CDC42BPA: variants seen among roughly 807,000 people sequenced by gnomAD.
CDC42BPA encodes CDC42 binding protein kinase alpha.
A neutral mutation model predicts 223.5 loss-of-function variants in CDC42BPA; 80 were observed. That is an observed-to-expected ratio of 0.36 (90% CI 0.30 to 0.43). The LOEUF is 0.43. Among genes scored for constraint, CDC42BPA ranks in the 20% least tolerant of loss-of-function variants. The pLI is 1.00. For missense variants in CDC42BPA, 1,743 were observed against 2,099.9 expected (o/e 0.83, Z 3.32); for synonymous variants, 694 against 718.6 (o/e 0.97, Z 0.55).
At chr1:227,254,287 C>A in intron 1 of CDC42BPA, 132 bp from the exon 2 acceptor site, 1 of 550,710 alleles carries the variant, frequency 1.8e-6, no homozygotes, top group East Asian at 3.3e-5. Flanking sequence ...TTAAAAATCC[C>A]AAACTATATG....
chr1:227,216,229 C>T (rs1404421808), intron 2 of CDC42BPA, among the ~76,000 whole-genome samples: 2 of 152,036 alleles, frequency 1.3e-5, no homozygotes, highest in African/African-American at 2.4e-5. Context: ...TGCTTTTCTA[C>T]ATTTTCTATA....
At chr1:227,241,510 G>A (rs1485617259) in intron 2 of CDC42BPA, among the ~76,000 whole-genome samples, 2 of 152,082 alleles carry the variant, frequency 1.3e-5, no homozygotes, top group Non-Finnish European at 2.9e-5. Flanking sequence ...TAATAAAAAC[G>A]ATTAATACAT....
chr1:227,145,649 C>T lies in CDC42BPA; in HGVS notation c.983G>A (p.Arg328Gln). The T allele has an allele frequency of 1.2e-6, 2 of 1,613,652 alleles. No homozygotes were observed. The highest frequency in any genetic ancestry group is 1.7e-6 in the Non-Finnish European group (2 of 1,179,758). ...IRRLICSREH[R>Q]LGQNGIEDFK... ...GTCTTCTATTCCATTTTGACCAAGT[C>T]GATGTTCTCTGCTACAAATGAGCCT... is the stretch of plus-strand genomic sequence containing the variant. Residue 328 changes from arginine to glutamine, a missense_variant, in exon 8 of 37, where the codon CGA becomes CAA. Around this residue, in one of 6 missense-constraint regions of CDC42BPA, gnomAD observed 321 missense variants for 488.7 expected, o/e 0.66. Coordinates refer to ENST00000366766, the MANE Select transcript of CDC42BPA (RefSeq NM_001394014.1).
In CDC42BPA at chr1:226,992,752, C is replaced by G. The variant is rs1660909414; in HGVS notation, c.*1516G>C. The G allele has an allele frequency of 6.6e-6, 1 of 152,198 alleles. No individual in the cohort carries two copies. Among genetic ancestry groups the G allele is most frequent in the South Asian group, 2.1e-4 (1 of 4,830 alleles). 9.4% of individuals were successfully genotyped at this position (152,198 alleles called of 1,614,324 possible). A position where few individuals can be genotyped will look rare whatever the true frequency, so the allele number is the denominator to read the frequency against. On this transcript the variant is annotated 3_prime_UTR_variant, in exon 37 of 37. Transcript: ENST00000366766. ...TCATGAGATACTTTTATTTTTATCT[C>G]TTTCTCTACTCATGTGCTTAACTGG... is the stretch of plus-strand genomic sequence containing the variant.
intron 1 of CDC42BPA, among the ~76,000 whole-genome samples, chr1:227,266,958 CT>C (rs1685100493): frequency 6.6e-6 from 1 of 152,156 alleles, no homozygotes; most frequent in Non-Finnish European, 1.5e-5. Flanking sequence ...ACCAGATCAT[CT>C]AGCATACAGT....
intron 23 of CDC42BPA, among the ~76,000 whole-genome samples, chr1:227,043,501 C>G (rs999013026): frequency 6.6e-6 from 1 of 151,542 alleles, no homozygotes; most frequent in African/African-American, 2.4e-5. Flanking sequence ...TATAGATTCA[C>G]TTCTCTATCT....
At chr1:227,013,334 G>A (rs942820600) in intron 34 of CDC42BPA, among the ~76,000 whole-genome samples, 3 of 151,750 alleles carry the variant, frequency 2.0e-5, no homozygotes, top group Non-Finnish European at 2.9e-5. Flanking sequence ...CACTTGTTTT[G>A]CTTATCAATA....
chr1:227,200,501 G>T (rs1671572027), intron 3 of CDC42BPA, among the ~76,000 whole-genome samples: 1 of 149,454 alleles, frequency 6.7e-6, no homozygotes, highest in Non-Finnish European at 1.5e-5. Context: ...TATGTGAATG[G>T]TATAATTTTA....
At chr1:227,156,359 T>A (rs887231404) in intron 6 of CDC42BPA, among the ~76,000 whole-genome samples, 1 of 151,700 alleles carries the variant, frequency 6.6e-6, no homozygotes, top group African/African-American at 2.4e-5. Flanking sequence ...CTTGCTATGT[T>A]GCTCAGGCTG....
At chr1:227,051,113 A>C (rs938478490) in intron 22 of CDC42BPA, among the ~76,000 whole-genome samples, 1 of 152,222 alleles carries the variant, frequency 6.6e-6, no homozygotes, top group Non-Finnish European at 1.5e-5. Flanking sequence ...ACCTGACTAC[A>C]ACCTCACACT....
At position 227,261,120 on chromosome 1, in the gene CDC42BPA, T is replaced by TTTTCTTTC. The variant is rs796215905; in HGVS notation, c.179-6966_179-6965insGAAAGAAA. 1.4e-4 allele frequency among the ~76,000 whole-genome samples: 14 copies of TTTTCTTTC among 101,602 alleles called. 1 individual carries two copies. Among genetic ancestry groups the TTTTCTTTC allele is most frequent in the Non-Finnish European group, 2.0e-4 (10 of 49,076 alleles). The allele number at this position is 101,602 out of a possible 152,430, so 66.7% of individuals were successfully genotyped here. On this transcript the variant is annotated intron_variant, in intron 1 of 36. Coordinates refer to ENST00000366766, the MANE Select transcript of CDC42BPA (RefSeq NM_001394014.1). ...AAATTTTTTAACAGAATAATTGAGT[T>TTTTCTTTC]TTTCTTTTTTTTTGAGACAGAGTCT...
At chr1:227,239,587 T>C (rs1240969342) in intron 2 of CDC42BPA, among the ~76,000 whole-genome samples, 1 of 152,158 alleles carries the variant, frequency 6.6e-6, no homozygotes, top group Non-Finnish European at 1.5e-5. Context: ...CTCTAAAATA[T>C]AAAGTCTATT....
intron 5 of CDC42BPA, among the ~76,000 whole-genome samples, chr1:227,185,517 C>T (rs1558703265): frequency 6.6e-6 from 1 of 152,114 alleles, no homozygotes; most frequent in South Asian, 2.1e-4. Flanking sequence ...TCGCCGGCTA[C>T]GTGAATGACA....
intron 35 of CDC42BPA, chr1:227,004,575 C>T (rs1339080290): frequency 3.6e-5 from 8 of 221,302 alleles, no homozygotes; most frequent in Non-Finnish European, 5.6e-5. Context: ...TCACCACTAC[C>T]ATGTAGCCAT....
At chr1:227,056,300 C>T (rs1336480963) in intron 21 of CDC42BPA, among the ~76,000 whole-genome samples, 1 of 152,048 alleles carries the variant, frequency 6.6e-6, no homozygotes, top group East Asian at 1.9e-4. Context: ...TATGGTCAAC[C>T]TACTAAAAAC....
chr1:227,213,296 C>A, intron 2 of CDC42BPA, 77 bp from the exon 3 acceptor site: 1 of 703,540 alleles, frequency 1.4e-6, no homozygotes, highest in Non-Finnish European at 2.4e-6. Flanking sequence ...CCTTTTTCCT[C>A]TGTAAAAAAA....
chr1:227,310,046 C>G (rs10753433), intron 1 of CDC42BPA, among the ~76,000 whole-genome samples: 29,972 of 152,100 alleles, frequency 0.2, 3,029 homozygotes, highest in East Asian at 0.26. Flanking sequence ...AAATTTCTCT[C>G]AAAATTTCTT....
At chr1:227,245,181 T>C (rs575772477) in intron 2 of CDC42BPA, among the ~76,000 whole-genome samples, 2 of 151,756 alleles carry the variant, frequency 1.3e-5, no homozygotes, top group East Asian at 3.9e-4. Flanking sequence ...GCATCAGCTG[T>C]CCATCCCCCA....
chr1:227,150,541 C>T (rs1333710495), intron 6 of CDC42BPA, among the ~76,000 whole-genome samples: 3 of 151,994 alleles, frequency 2.0e-5, no homozygotes, highest in East Asian at 1.9e-4. Flanking sequence ...AGTAAACTAT[C>T]GCTAACATTT....
Sources: gnomAD v4.1 joint callset for allele counts (sites outside exome capture counted in the v4.1 genomes callset) on GRCh38, gnomAD v4.1.1 for gene constraint, gnomAD v4.1.1 regional missense constraint, MANE v1.5 for transcripts, NCBI Gene and HGNC (gene_info 2026-07-23, HGNC 2026-07-21) for gene names.